Variants in FLT3 observed in about 807,000 individuals in gnomAD.
FLT3 encodes fms related receptor tyrosine kinase 3, also known as receptor-type tyrosine-protein kinase FLT3.
Under a neutral mutation model 126.6 loss-of-function variants are expected in FLT3, and 46 were observed. The ratio of observed to expected loss-of-function variants is 0.36; its 90% CI spans 0.29 to 0.46. FLT3 has a LOEUF of 0.46. Among genes scored for constraint, FLT3 ranks in the 20% least tolerant of loss-of-function variants. The probability of loss-of-function intolerance (pLI) is 1.00; values close to 1 mark genes in which losing one functional copy is unlikely to be tolerated. For synonymous variants in FLT3, 404 were observed against 434.4 expected (o/e 0.93, Z 0.87); for missense variants, 1,069 against 1,190.3 (o/e 0.90, Z 1.50).
intron 3 of FLT3, among the ~76,000 whole-genome samples, chr13:28,058,206 T>TAAAA (rs1566088666): frequency 1.1e-4 from 1 of 8,762 alleles, no homozygotes; most frequent in East Asian, 3.3e-3. Flanking sequence ...TTTTTAAAAA[T>TAAAA]TAAAAAAAAA....
rs577374897 is a variant in FLT3 at position 28,006,228 on chromosome 13, T to C, written c.2860-2054A>G. On this transcript the variant is annotated intron_variant, in intron 23 of 23. Coordinates refer to ENST00000241453, the MANE Select transcript of FLT3 (RefSeq NM_004119.3). ...TCCCACAGCCCTTGTTACTGTCTACTTCTTTTTCTTTGTTTTTGACAGTTT... is the reference window on the plus strand; with the variant it reads ...TCCCACAGCCCTTGTTACTGTCTACCTCTTTTTCTTTGTTTTTGACAGTTT... 4.6e-5 allele frequency among the ~76,000 whole-genome samples: 7 copies of C among 152,290 alleles called. No homozygotes were observed. In the East Asian group the frequency reaches 1.4e-3, roughly 29 times the overall value.
Position 28,034,131 on chromosome 13 carries a change from TTC to T in FLT3, c.1786_1787del (p.Glu596IlefsTer2). The T allele has an allele frequency of 1.9e-6, 3 of 1,614,068 alleles. No homozygotes were observed. The highest frequency in any genetic ancestry group is 2.5e-6 in the Non-Finnish European group (3 of 1,179,910). On this transcript the variant is annotated frameshift_variant, in exon 14 of 24. Coordinates refer to ENST00000241453, the MANE Select transcript of FLT3 (RefSeq NM_004119.3). LOFTEE classifies it high-confidence loss of function. The part of the protein sequence containing the change: ...DNEYFYVDFR[E>X]YEYDLKWEFP... ...ACTCCCATTTGAGATCATATTCATA[TTC>T]TCTGAAATCAACGTAGAAGTACTCA...
rs77307219 is a variant in FLT3 at position 28,017,077 on chromosome 13, G to A, written c.2542-1376C>T. Among the ~76,000 whole-genome samples the A allele has an allele frequency of 5.7e-3, 862 of 152,246 alleles. 12 individuals are homozygous for A. The highest frequency in any genetic ancestry group is 0.02 in the Middle Eastern group (6 of 294). On this transcript the variant is annotated intron_variant, in intron 20 of 23. Coordinates refer to ENST00000241453, the MANE Select transcript of FLT3 (RefSeq NM_004119.3). Reference sequence around the variant, plus strand: ...GTCCACATGCTGTGTAACCATGGGCGAGTTACTTTTCTGTGCCTCAGTTTC... The same window carrying A: ...GTCCACATGCTGTGTAACCATGGGCAAGTTACTTTTCTGTGCCTCAGTTTC...
At chr13:28,041,101 G>A (rs1215442490) in intron 9 of FLT3, among the ~76,000 whole-genome samples, 1 of 152,158 alleles carries the variant, frequency 6.6e-6, no homozygotes, top group African/African-American at 2.4e-5. Context: ...GAAATCACTG[G>A]TGAAGTGGAA....
intron 1 of FLT3, among the ~76,000 whole-genome samples, chr13:28,076,214 A>G (rs1350619059): frequency 6.6e-6 from 1 of 152,218 alleles, no homozygotes; most frequent in Non-Finnish European, 1.5e-5. Flanking sequence ...CCCCAAAAAG[A>G]GAAAATATAT....
At chr13:28,022,816 G>T (rs943216744) in intron 19 of FLT3, among the ~76,000 whole-genome samples, 34 of 152,224 alleles carry the variant, frequency 2.2e-4, no homozygotes, top group African/African-American at 8.0e-4. Flanking sequence ...AATTGGGGTA[G>T]AGACATGGTT....
At chr13:28,093,761 T>TTTCTGC (rs1879278567) in intron 1 of FLT3, among the ~76,000 whole-genome samples, 7 of 152,184 alleles carry the variant, frequency 4.6e-5, no homozygotes. Flanking sequence ...TGCATATTTC[T>TTTCTGC]AAAACTCCAC....
In FLT3 at chr13:28,051,233, C is replaced by T. The variant is rs370552938; in HGVS notation, c.615-1011G>A. Among the ~76,000 whole-genome samples the T allele has an allele frequency of 4.0e-5, 6 of 150,102 alleles. No homozygotes were observed. In the East Asian group the frequency reaches 7.7e-4, roughly 19 times the overall value. ...ACATTTTGTCACAAGGAATTTCTTT[C>T]TTCCTTTCTTTTCTTTTTTTTTAGA... On this transcript the variant is annotated intron_variant, in intron 5 of 23. Transcript: ENST00000241453.
At chr13:28,007,021 G>A (rs371402747) in intron 23 of FLT3, among the ~76,000 whole-genome samples, 15 of 152,078 alleles carry the variant, frequency 9.9e-5, no homozygotes, top group Admixed American at 2.0e-4. Flanking sequence ...GATTACAGGC[G>A]TGAGCCACCA....
intron 18 of FLT3, among the ~76,000 whole-genome samples, chr13:28,024,338 G>A (rs1872638511): frequency 6.6e-6 from 1 of 151,580 alleles, no homozygotes; most frequent in African/African-American, 2.4e-5. Flanking sequence ...CTCCATGTTG[G>A]GCCAGGCTGG....
At chr13:28,078,915 T>C (rs1484416512) in intron 1 of FLT3, among the ~76,000 whole-genome samples, 1 of 152,110 alleles carries the variant, frequency 6.6e-6, no homozygotes, top group East Asian at 1.9e-4. Flanking sequence ...GGTTTTACTG[T>C]GTTTGCTAGG....
chr13:28,079,464 C>T (rs1028238498), intron 1 of FLT3, among the ~76,000 whole-genome samples: 3 of 152,192 alleles, frequency 2.0e-5, no homozygotes, highest in Non-Finnish European at 4.4e-5. Context: ...GACACTTCCA[C>T]ATTTTCAGGT....
intron 1 of FLT3, among the ~76,000 whole-genome samples, chr13:28,076,853 G>A (rs915676727): frequency 1.3e-5 from 2 of 152,010 alleles, no homozygotes; most frequent in Admixed American, 6.6e-5. Context: ...CCTCAACCCA[G>A]GGAGGTCAAG....
At chr13:28,052,474 TG>T in intron 5 of FLT3, 70 bp downstream of exon 5, 1 of 1,415,376 alleles carries the variant, frequency 7.1e-7, no homozygotes, top group Non-Finnish European at 9.7e-7. Flanking sequence ...ACATACAGCT[TG>T]ATGTCAACTA....
At chr13:28,018,385 C>T (rs2137621755) in intron 20 of FLT3, 82 bp downstream of exon 20, 3 of 1,493,564 alleles carry the variant, frequency 2.0e-6, no homozygotes, top group Non-Finnish European at 1.9e-6. Flanking sequence ...AAAAATGCAC[C>T]ACAGTGAGTG....
chr13:28,034,922 G>A (rs1158778039), intron 12 of FLT3, among the ~76,000 whole-genome samples: 1 of 139,114 alleles, frequency 7.2e-6, no homozygotes, highest in Admixed American at 7.5e-5. Flanking sequence ...TGCAGCCTGG[G>A]TGACAGAGCG....
chr13:28,025,082 AT>A, intron 17 of FLT3, 139 bp from the exon 18 acceptor site: 1 of 629,668 alleles, frequency 1.6e-6, no homozygotes, highest in East Asian at 2.8e-5. Flanking sequence ...CCATTTGTCC[AT>A]TTTTTGTGTA....
intron 2 of FLT3, among the ~76,000 whole-genome samples, chr13:28,066,119 G>A (rs569842969): frequency 6.6e-6 from 1 of 152,270 alleles, no homozygotes; most frequent in South Asian, 2.1e-4. Flanking sequence ...GTGAAGGGAT[G>A]GGAAAGAAAG....
At chr13:28,047,215 C>T (rs1874962116) in intron 9 of FLT3, among the ~76,000 whole-genome samples, 1 of 152,144 alleles carries the variant, frequency 6.6e-6, no homozygotes, top group South Asian at 2.1e-4. Flanking sequence ...GTTCAACAGA[C>T]CACATGCTGA....
Sources: allele counts gnomAD v4.1 joint callset (sites outside exome capture counted in the v4.1 genomes callset), GRCh38; gene constraint gnomAD v4.1.1; transcripts MANE v1.5; gene names NCBI Gene and HGNC (gene_info 2026-07-23, HGNC 2026-07-21).